OTOP1: variants seen among roughly 807,000 people sequenced by gnomAD.
OTOP1 encodes otopetrin 1.
Under a neutral mutation model 52.9 loss-of-function variants are expected in OTOP1, and 59 were observed. The observed-to-expected ratio is 1.12, with a 90% CI of 0.91 to 1.39. The LOEUF (loss-of-function observed/expected upper bound fraction) is 1.39. Among genes scored for constraint, OTOP1 ranks in the 40% most tolerant of loss-of-function variants. The pLI is 0.00. For missense variants in OTOP1, 761 were observed against 800.9 expected (o/e 0.95, Z 0.60); for synonymous variants, 317 against 337.7 (o/e 0.94, Z 0.67).
rs137952827 is a variant in OTOP1, at chr4:4,197,848, A to T, written c.986T>A (p.Val329Glu). Residue 329 changes from valine to glutamate, a missense_variant, in exon 5 of 6, where the codon GTG becomes GAG. Physicochemically the swap from Val to Glu is moderately radical, Grantham distance 121. Around this residue, in one of 3 missense-constraint regions of OTOP1, gnomAD observed 632 missense variants for 619.5 expected, o/e 1.02. Coordinates refer to ENST00000296358, the MANE Select transcript of OTOP1 (RefSeq NM_177998.3). ...LTVLAATIAV[V>E]VVYLIHIGRS... is the part of the protein sequence containing the mutation. ...CCCAATATGAATCAGGTATACCACC[A>T]CCACAGCAATGGTGGCGGCCAGCAC... 6.2e-7 allele frequency: 1 copy of T among 1,613,872 alleles called. No homozygotes were observed. The highest frequency in any genetic ancestry group is 8.5e-7 in the Non-Finnish European group (1 of 1,180,006).
At chr4:4,220,391 A>G (rs1171728226) in intron 1 of OTOP1, among the ~76,000 whole-genome samples, 1 of 152,208 alleles carries the variant, frequency 6.6e-6, no homozygotes, top group Admixed American at 6.5e-5. Context: ...AACAGAGTAT[A>G]CAATGTTGGA....
At chr4:4,218,353 T>C (rs943945057) in intron 1 of OTOP1, among the ~76,000 whole-genome samples, 4 of 149,344 alleles carry the variant, frequency 2.7e-5, no homozygotes, top group East Asian at 2.0e-4. Flanking sequence ...GATTGCGCCA[T>C]TGCACTCCAG....
rs751160714 is a variant in OTOP1 at position 4,197,548 on chromosome 4, G to A, written c.1286C>T (p.Ser429Phe). 1.9e-6 allele frequency: 3 copies of A among 1,614,146 alleles called. No individual in the cohort carries two copies. In the East Asian group the frequency reaches 6.7e-5, roughly 36 times the overall value. ...PRYTWYNLPYSILAIVEKYIQ... is the reference protein window; with the variant it reads ...PRYTWYNLPYFILAIVEKYIQ... ...GTACTTCTCCACGATCGCCAGGATGGAGTAGGGCAGGTTGTACCAGGTGTA... is the reference window on the plus strand; with the variant it reads ...GTACTTCTCCACGATCGCCAGGATGAAGTAGGGCAGGTTGTACCAGGTGTA... The change falls in exon 5 of 6, where the codon TCC (serine) becomes TTC (phenylalanine). Residue 429 changes from serine (S) to phenylalanine (F), a missense_variant. Physicochemically the swap from Ser to Phe is radical, Grantham distance 155. Around this residue, in one of 3 missense-constraint regions of OTOP1, gnomAD observed 632 missense variants for 619.5 expected, o/e 1.02. Coordinates refer to ENST00000296358, the MANE Select transcript of OTOP1 (RefSeq NM_177998.3).
At chr4:4,189,580 A>C (rs1437145728) in intron 5 of OTOP1, among the ~76,000 whole-genome samples, 1 of 151,908 alleles carries the variant, frequency 6.6e-6, no homozygotes, top group African/African-American at 2.4e-5. Flanking sequence ...TGGAGTCCCC[A>C]CCCCTTGAGT....
intron 1 of OTOP1, among the ~76,000 whole-genome samples, chr4:4,222,061 A>G (rs555801076): frequency 1.3e-5 from 2 of 152,174 alleles, no homozygotes; most frequent in South Asian, 4.2e-4. Context: ...CAATCATTCA[A>G]TTATTTAGTA....
chr4:4,203,916 G>A (rs1716842809), intron 3 of OTOP1, among the ~76,000 whole-genome samples: 1 of 152,178 alleles, frequency 6.6e-6, no homozygotes, highest in South Asian at 2.1e-4. Flanking sequence ...CAGAATCTTG[G>A]CATTCAGCCG....
chr4:4,197,651 C>A lies in OTOP1; in HGVS notation c.1183G>T (p.Val395Leu). The A allele has an allele frequency of 1.2e-6, 2 of 1,613,790 alleles. No individual in the cohort carries two copies. The highest frequency in any genetic ancestry group is 1.7e-6 in the Non-Finnish European group (2 of 1,179,994). Residue 395 changes from valine (V) to leucine (L), a missense_variant, in exon 5 of 6, where the codon GTG becomes TTG. By Grantham distance (32) the Val-to-Leu change is conservative. Around this residue, in one of 3 missense-constraint regions of OTOP1, gnomAD observed 632 missense variants for 619.5 expected, o/e 1.02. Coordinates refer to ENST00000296358, the MANE Select transcript of OTOP1 (RefSeq NM_177998.3). Reference sequence around the variant, plus strand: ...AGCCAGGAGCCCGAGGCAGTGCCCACCAAGAGGTCCGAGTCCAGTTTGCGG... The same window carrying A: ...AGCCAGGAGCCCGAGGCAGTGCCCAACAAGAGGTCCGAGTCCAGTTTGCGG... ...PARKLDSDLL[V>L]GTASGSWLIS...
chr4:4,220,094 TATATATA>T (rs1201976105), intron 1 of OTOP1, among the ~76,000 whole-genome samples: 24 of 103,760 alleles, frequency 2.3e-4, no homozygotes, highest in African/African-American at 7.8e-4. Flanking sequence ...TATATATATA[TATATATA>T]TATATTTTTT....
In OTOP1 at chr4:4,209,331, C is replaced by CAT. The variant is rs59194392; in HGVS notation, c.541-3203_541-3202dup. On this transcript the variant is annotated intron_variant, in intron 2 of 5. Transcript: ENST00000296358. ...TGCCTAATTGTTATATATATATACA[C>CAT]ATATATATACTTTTTTCCATTCTCC... is the stretch of plus-strand genomic sequence containing the variant. Among the ~76,000 whole-genome samples the CAT allele has an allele frequency of 9.8e-3, 1,484 of 152,106 alleles. 30 individuals are homozygous for CAT. The highest frequency in any genetic ancestry group is 0.034 in the African/African-American group (1,414 of 41,472).
At chr4:4,212,584 C>G (rs1174167956) in intron 2 of OTOP1, among the ~76,000 whole-genome samples, 1 of 152,180 alleles carries the variant, frequency 6.6e-6, no homozygotes, top group Non-Finnish European at 1.5e-5. Context: ...AAAATTCCCT[C>G]AAGCCTTTAC....
intron 1 of OTOP1, among the ~76,000 whole-genome samples, chr4:4,219,605 G>A (rs1159871769): frequency 6.6e-6 from 1 of 150,886 alleles, no homozygotes; most frequent in African/African-American, 2.4e-5. Flanking sequence ...GCTGAAGCAG[G>A]AAAATGGCGT....
chr4:4,204,649 C>T (rs1396791976), intron 3 of OTOP1, among the ~76,000 whole-genome samples: 1 of 152,172 alleles, frequency 6.6e-6, no homozygotes, highest in Non-Finnish European at 1.5e-5. Context: ...TTGACAATCC[C>T]AGACTACAAT....
chr4:4,220,943 C>G (rs1425183622), intron 1 of OTOP1, among the ~76,000 whole-genome samples: 1 of 152,236 alleles, frequency 6.6e-6, no homozygotes, highest in African/African-American at 2.4e-5. Flanking sequence ...AGCCATCTGA[C>G]CTCTACTTGG....
intron 5 of OTOP1, among the ~76,000 whole-genome samples, chr4:4,189,752 G>T (rs1316786948): frequency 6.6e-6 from 1 of 152,226 alleles, no homozygotes; most frequent in Non-Finnish European, 1.5e-5. Flanking sequence ...ACCCTATGCG[G>T]CAAGGGGCCC....
intron 2 of OTOP1, among the ~76,000 whole-genome samples, chr4:4,207,475 C>T (rs2108801157): frequency 6.6e-6 from 1 of 152,126 alleles, no homozygotes; most frequent in South Asian, 2.1e-4. Flanking sequence ...GATTTCCTTA[C>T]AGGTGCATTT....
In OTOP1 at chr4:4,204,217, G is replaced by A. The variant is rs1347712680; in HGVS notation, c.600-1639C>T. 2.0e-5 allele frequency among the ~76,000 whole-genome samples: 3 copies of A among 152,060 alleles called. No individual in the cohort carries two copies. In the East Asian group the frequency reaches 5.8e-4, roughly 29 times the overall value. On this transcript the variant is annotated intron_variant, in intron 3 of 5. Transcript: ENST00000296358. ...TTTGGCATAATGTCCAAGCACAATTGGAGAAGGAAACAGAATCCCAGGGTG... is the reference window on the plus strand; with the variant it reads ...TTTGGCATAATGTCCAAGCACAATTAGAGAAGGAAACAGAATCCCAGGGTG...
chr4:4,198,972 C>G (rs1276116427), intron 4 of OTOP1, among the ~76,000 whole-genome samples: 1 of 152,172 alleles, frequency 6.6e-6, no homozygotes, highest in Non-Finnish European at 1.5e-5. Context: ...AGGTGGATCA[C>G]TTGAGGTCAG....
At chr4:4,225,957 G>A (rs1362146601) in intron 1 of OTOP1, among the ~76,000 whole-genome samples, 3 of 152,234 alleles carry the variant, frequency 2.0e-5, no homozygotes, top group Non-Finnish European at 4.4e-5. Context: ...AGAGGGGCAG[G>A]TGGGAAAGTG....
chr4:4,220,193 TC>T (rs1160838708), intron 1 of OTOP1, among the ~76,000 whole-genome samples: 1 of 148,642 alleles, frequency 6.7e-6, no homozygotes, highest in Non-Finnish European at 1.5e-5. Context: ...ACCTCCACCT[TC>T]CAGATTCAAG....
Sources: gnomAD v4.1 joint callset for allele counts (sites outside exome capture counted in the v4.1 genomes callset) on GRCh38, gnomAD v4.1.1 for gene constraint, gnomAD v4.1.1 regional missense constraint, MANE v1.5 for transcripts, NCBI Gene and HGNC (gene_info 2026-07-23, HGNC 2026-07-21) for gene names.